The following CNNM3 variants were observed in gnomAD, a reference collection of about 807,000 sequenced individuals.
CNNM3 encodes the protein metal transporter CNNM3.
CNNM3 carries 47 observed loss-of-function variants against 57.1 expected under a neutral mutation model. The observed-to-expected ratio is 0.82, with a 90% CI of 0.65 to 1.05. The LOEUF (loss-of-function observed/expected upper bound fraction) is 1.05. CNNM3 is among the 50% of genes least tolerant of loss of function. The pLI is 0.00. For synonymous variants in CNNM3, 507 were observed against 478.2 expected (o/e 1.06, Z -0.79); for missense variants, 957 against 973.7 (o/e 0.98, Z 0.23).
Position 96,832,736 on chromosome 2 carries a change from C to G in CNNM3, c.*120C>G, listed in dbSNP as rs2079625071. ...CCCTCCAGGCCACGTTTTAGATGGC[C>G]CTTGTAGTTGCGGGTCCTGGGTGTC... On this transcript the variant is annotated 3_prime_UTR_variant, in exon 8 of 8. Transcript: ENST00000305510. The G allele has an allele frequency of 6.4e-7, 1 of 1,561,284 alleles. No homozygotes were observed. Among genetic ancestry groups the G allele is most frequent in the Non-Finnish European group, 8.6e-7 (1 of 1,158,912 alleles).
intron 4 of CNNM3, 93 bp from the exon 5 acceptor site, chr2:96,828,006 A>G: frequency 6.4e-7 from 1 of 1,561,090 alleles, no homozygotes; most frequent in Non-Finnish European, 8.8e-7. Flanking sequence ...CTCCCACCCC[A>G]AACAATTGAG....
In CNNM3 at chr2:96,829,154, T is replaced by C; in HGVS notation, c.2059+20T>C. ...CGGCAGGTGAGTGCCAAGTGGTACA[T>C]CGTGCATGGTGTCTGGACCTGAGGG... On this transcript the variant is annotated intron_variant, in intron 7 of 7. Coordinates refer to ENST00000305510, the MANE Select transcript of CNNM3 (RefSeq NM_017623.5). The C allele has an allele frequency of 6.2e-7, 1 of 1,612,954 alleles. No homozygotes were observed. Among genetic ancestry groups the C allele is most frequent in the South Asian group, 1.1e-5 (1 of 91,044 alleles).
At chr2:96,832,492 G>C (rs978671441) in intron 7 of CNNM3, 60 bp from the exon 8 acceptor site, 5 of 1,609,578 alleles carry the variant, frequency 3.1e-6, no homozygotes, top group Non-Finnish European at 4.2e-6. Flanking sequence ...TTTGGCACTT[G>C]GTTTTGACAG....
Position 96,832,962 on chromosome 2 carries a change from G to A in CNNM3, c.*346G>A. On this transcript the variant is annotated 3_prime_UTR_variant, in exon 8 of 8. Coordinates refer to ENST00000305510, the MANE Select transcript of CNNM3 (RefSeq NM_017623.5). Reference sequence around the variant, plus strand: ...GGCATATTCAGATTCAGACCTCTTTGGGCTGAGCCACCTTGTGAGTGCAGT... The same window carrying A: ...GGCATATTCAGATTCAGACCTCTTTAGGCTGAGCCACCTTGTGAGTGCAGT... The A allele has an allele frequency of 7.3e-7, 1 of 1,366,586 alleles. No individual in the cohort carries two copies. Among genetic ancestry groups the A allele is most frequent in the South Asian group, 1.2e-5 (1 of 81,694 alleles). 84.7% of individuals were successfully genotyped at this position (1,366,586 alleles called of 1,614,324 possible).
chr2:96,831,304 C>G (rs150088061), intron 7 of CNNM3, among the ~76,000 whole-genome samples: 38 of 152,238 alleles, frequency 2.5e-4, no homozygotes, highest in Non-Finnish European at 4.9e-4. Flanking sequence ...CTTCACTGTC[C>G]GGAGGAGCGT....
chr2:96,828,625 A>G lies in CNNM3; in HGVS notation c.1845A>G (p.Pro615=). Residue 615 remains proline (P), a synonymous_variant, in exon 6 of 8, where the codon CCA becomes CCG. Transcript: ENST00000305510. ...TCCGCCATGACCTGCAGCCCGACCCAGGTGACGGCACGCATTCATCTGCGT... is the reference window on the plus strand; with the variant it reads ...TCCGCCATGACCTGCAGCCCGACCCGGGTGACGGCACGCATTCATCTGCGT... The part of the protein sequence containing the change: ...QPIRHDLQPD[P]GDGTHSSAYC... The G allele has an allele frequency of 4.3e-6, 7 of 1,614,184 alleles. No individual in the cohort carries two copies. The highest frequency in any genetic ancestry group is 5.1e-6 in the Non-Finnish European group (6 of 1,180,028).
intron 5 of CNNM3, 160 bp downstream of exon 5, chr2:96,828,355 A>G: frequency 2.5e-6 from 2 of 813,000 alleles, no homozygotes; most frequent in Non-Finnish European, 3.9e-6. Context: ...GAGGGAGGGC[A>G]GCATTCTTCA....
intron 1 of CNNM3, among the ~76,000 whole-genome samples, chr2:96,819,655 G>A (rs2079377964): frequency 1.3e-5 from 2 of 152,278 alleles, no homozygotes; most frequent in Admixed American, 1.3e-4. Context: ...GGTGTTCAAA[G>A]CACTCACGTT....
At chr2:96,829,358 T>C (rs1048402549) in intron 7 of CNNM3, 2 of 433,594 alleles carry the variant, frequency 4.6e-6, no homozygotes, top group Non-Finnish European at 6.1e-6. Context: ...TGGAGTACAA[T>C]GGTGTGATCT....
At chr2:96,835,469 CTTTT>C (rs535208227), downstream of CNNM3, among the ~76,000 whole-genome samples, 1 of 137,578 alleles carries the variant, frequency 7.3e-6, no homozygotes. Context: ...AACAATCAAA[CTTTT>C]TTTTTTTTTT....
At chr2:96,830,468 C>T (rs1042597843) in intron 7 of CNNM3, among the ~76,000 whole-genome samples, 9 of 152,184 alleles carry the variant, frequency 5.9e-5, no homozygotes, top group African/African-American at 2.2e-4. Flanking sequence ...CTGCTCAGAC[C>T]CACACTCGAG....
At position 96,817,085 on chromosome 2, in the gene CNNM3, G is replaced by C. The variant is rs1285013740; in HGVS notation, c.808G>C (p.Ala270Pro). 4 of 1,346,704 alleles carry C rather than the reference G, an allele frequency of 3.0e-6. No homozygotes were observed. The highest frequency in any genetic ancestry group is 3.8e-6 in the Non-Finnish European group (4 of 1,056,930). 83.4% of individuals were successfully genotyped at this position (1,346,704 alleles called of 1,614,324 possible). A position where few individuals can be genotyped will look rare whatever the true frequency, so the allele number is the denominator to read the frequency against. ...GGCCGTCCTGCTCACTCTGCCCGTCGCGCTGCCCGTGGGGCAGCTGCTGGA... is the reference window on the plus strand; with the variant it reads ...GGCCGTCCTGCTCACTCTGCCCGTCCCGCTGCCCGTGGGGCAGCTGCTGGA... ...RLAVLLTLPV[A>P]LPVGQLLELA... Residue 270 changes from alanine to proline, a missense_variant, in exon 1 of 8, where the codon GCG becomes CCG. Around this residue, in one of 2 missense-constraint regions of CNNM3, gnomAD observed 466 missense variants for 403.1 expected, o/e 1.16. Transcript: ENST00000305510.
At chr2:96,829,762 A>T (rs1229872037) in intron 7 of CNNM3, among the ~76,000 whole-genome samples, 1 of 152,180 alleles carries the variant, frequency 6.6e-6, no homozygotes, top group Non-Finnish European at 1.5e-5. Context: ...TGACTTAATC[A>T]GAGATTTGTT....
At position 96,833,111 on chromosome 2, in the gene CNNM3, C is replaced by T. The variant is rs2079633803; in HGVS notation, c.*495C>T. 1 of 886,858 alleles carries T rather than the reference C, an allele frequency of 1.1e-6. No homozygotes were observed. The allele number at this position is 886,858 out of a possible 1,614,324, so 54.9% of individuals were successfully genotyped here. A position where few individuals can be genotyped will look rare whatever the true frequency, so the allele number is the denominator to read the frequency against. On this transcript the variant is annotated 3_prime_UTR_variant, in exon 8 of 8. Transcript: ENST00000305510. ...TTGGCTGGGGGTTCAGATCGATGGCCTTGTCCATGTTGTCCTTTCTGGCTT... is the reference window on the plus strand; with the variant it reads ...TTGGCTGGGGGTTCAGATCGATGGCTTTGTCCATGTTGTCCTTTCTGGCTT...
chr2:96,828,518 T>TC lies in CNNM3; in HGVS notation c.1787-46dup, dbSNP rs749129897. On this transcript the variant is annotated intron_variant, in intron 5 of 7. Coordinates refer to ENST00000305510, the MANE Select transcript of CNNM3 (RefSeq NM_017623.5). Reference sequence around the variant, plus strand: ...AGTTGTCCCCACCAGGGGAGGAGGCTCCCAGCTGCCAGCATGGCTCCTGCC... The same window carrying TC: ...AGTTGTCCCCACCAGGGGAGGAGGCTCCCCAGCTGCCAGCATGGCTCCTGCC... The TC allele has an allele frequency of 3.2e-5, 51 of 1,611,364 alleles. No individual in the cohort carries two copies. In the East Asian group the frequency reaches 1.1e-3, roughly 36 times the overall value.
Position 96,816,595 on chromosome 2 carries a change from G to A in CNNM3, c.318G>A (p.Arg106=), listed in dbSNP as rs2079321740. 6 of 1,208,190 alleles carry A rather than the reference G, an allele frequency of 5.0e-6. No homozygotes were observed. The South Asian group carries it at 1.2e-4, about 25-fold the overall frequency. 74.8% of individuals were successfully genotyped at this position (1,208,190 alleles called of 1,614,324 possible). The part of the protein sequence containing the change: ...EWRALLRLRL[R]AEAVRPHSAL... ...GCGCGCTGCTGCGCTTGCGCCTGCG[G>A]GCCGAGGCCGTGCGCCCGCACTCGG... Residue 106 remains arginine (R), a synonymous_variant, in exon 1 of 8, where the codon CGG becomes CGA. Coordinates refer to ENST00000305510, the MANE Select transcript of CNNM3 (RefSeq NM_017623.5).
chr2:96,818,928 C>T (rs116350930), intron 1 of CNNM3, among the ~76,000 whole-genome samples: 3,183 of 152,322 alleles, frequency 0.021, 124 homozygotes, highest in African/African-American at 0.073. Context: ...CCTGGCCTGT[C>T]GTTGCAGGAA....
chr2:96,835,495 GTC>G (rs1055185356), downstream of CNNM3, among the ~76,000 whole-genome samples: 7 of 148,158 alleles, frequency 4.7e-5, no homozygotes, highest in African/African-American at 1.8e-4. Context: ...TTGAGACGGA[GTC>G]TCACTCTTTT....
chr2:96,828,972 C>T, intron 6 of CNNM3, 24 bp from the exon 7 acceptor site: 2 of 1,610,482 alleles, frequency 1.2e-6, no homozygotes, highest in African/African-American at 1.3e-5. Context: ...CCAATTGGGT[C>T]CCAGTAACGC....
Sources: allele counts gnomAD v4.1 joint callset (sites outside exome capture counted in the v4.1 genomes callset), GRCh38; gene constraint gnomAD v4.1.1; regional missense constraint gnomAD v4.1.1; transcripts MANE v1.5; gene names NCBI Gene and HGNC (gene_info 2026-07-23, HGNC 2026-07-21).